GNB5: variants seen among roughly 807,000 people sequenced by gnomAD.
GNB5 encodes G protein subunit beta 5.
GNB5 carries 37 observed loss-of-function variants against 55.3 expected under a neutral mutation model. The ratio of observed to expected loss-of-function variants is 0.67; its 90% confidence interval spans 0.51 to 0.88. The LOEUF (loss-of-function observed/expected upper bound fraction) is 0.88, where lower values mean the gene tolerates loss of function less well. GNB5 is among the 40% of genes least tolerant of loss of function. The pLI is 0.00. For synonymous variants in GNB5, 219 were observed against 198.5 expected, an observed-to-expected ratio of 1.10 and a Z score of -0.87; for missense variants, 476 against 515.3, an observed-to-expected ratio of 0.92 and a Z score of 0.74.
At position 52,171,503 on chromosome 15, in the gene GNB5, G is replaced by A. The variant is rs1020396318; in HGVS notation, c.238+8265C>T. On this transcript the variant is annotated intron_variant, in intron 3 of 12. Coordinates refer to ENST00000261837, the MANE Select transcript of GNB5 (RefSeq NM_016194.4). ...TTGGGAAAGTACTCTAAACACCCTT[G>A]CATTAGCCAGCTCGAGTATAACAGT... 2.6e-5 allele frequency among the ~76,000 whole-genome samples: 4 copies of A among 152,168 alleles called. 1 individual carries two copies. The highest frequency in any genetic ancestry group is 6.3e-3 in the Middle Eastern group (2 of 316).
At chr15:52,156,243 C>G (rs1266607888) in intron 3 of GNB5, among the ~76,000 whole-genome samples, 1 of 152,222 alleles carries the variant, frequency 6.6e-6, no homozygotes, top group African/African-American at 2.4e-5. Context: ...TTCCCATGAC[C>G]TTCTGACATG....
Position 52,179,944 on chromosome 15 carries a change from C to T in GNB5, c.127-65G>A, listed in dbSNP as rs2034737194. On this transcript the variant is annotated intron_variant, in intron 2 of 12. Coordinates refer to ENST00000261837, the MANE Select transcript of GNB5 (RefSeq NM_016194.4). ...GGAATGCGCTGAGCCGCGGCGGGCG[C>T]CGCTCCAGCAGCCGTCCCCGGCCCC... 2.4e-5 allele frequency: 34 copies of T among 1,434,294 alleles called. No homozygotes were observed. The South Asian group carries it at 4.0e-4, about 17-fold the overall frequency. The allele number at this position is 1,434,294 out of a possible 1,614,324, so 88.8% of individuals were successfully genotyped here. A position where few individuals can be genotyped will look rare whatever the true frequency, so the allele number is the denominator to read the frequency against.
intron 8 of GNB5, among the ~76,000 whole-genome samples, chr15:52,135,244 T>C (rs2033674089): frequency 1.3e-5 from 2 of 152,160 alleles, no homozygotes; most frequent in South Asian, 4.1e-4. Flanking sequence ...GCATCTCTGA[T>C]GCTCTCAGAT....
rs58614125 is a variant in GNB5 at position 52,190,778 on chromosome 15, TAAAAAAAAAAAAAAAA to T, written c.-19+528_-19+543del. Among the ~76,000 whole-genome samples, 379 of 96,912 alleles carry T rather than the reference TAAAAAAAAAAAAAAAA, an allele frequency of 3.9e-3. 6 individuals carry two copies. The highest frequency in any genetic ancestry group is 0.013 in the African/African-American group (289 of 22,722). The allele number at this position is 96,912 out of a possible 152,430, so 63.6% of individuals were successfully genotyped here. A position where few individuals can be genotyped will look rare whatever the true frequency, so the allele number is the denominator to read the frequency against. On this transcript the variant is annotated intron_variant, in intron 1 of 12. Transcript: ENST00000261837. ...CCACAGAAAATAATGCTTATTTCCT[TAAAAAAAAAAAAAAAA>T]AAAAAAAAAAAAAAAAAAAAAAAAC...
chr15:52,128,978 C>A (rs1165814884), intron 9 of GNB5, among the ~76,000 whole-genome samples: 2 of 135,114 alleles, frequency 1.5e-5, no homozygotes, highest in African/African-American at 2.8e-5. Flanking sequence ...TTTTTTGAGA[C>A]TGAGTCTCAT....
At chr15:52,174,479 G>C (rs2034611460) in intron 3 of GNB5, among the ~76,000 whole-genome samples, 1 of 152,126 alleles carries the variant, frequency 6.6e-6, no homozygotes. Flanking sequence ...ATGGGGCTTG[G>C]GGCTGTGGAG....
intron 3 of GNB5, among the ~76,000 whole-genome samples, chr15:52,161,838 G>C (rs1299102602): frequency 6.6e-6 from 1 of 152,244 alleles, no homozygotes; most frequent in Non-Finnish European, 1.5e-5. Context: ...ATGGCACTTA[G>C]AGTTGGATAA....
At chr15:52,128,345 A>T in intron 9 of GNB5, 101 bp from the exon 10 acceptor site, 1 of 776,012 alleles carries the variant, frequency 1.3e-6, no homozygotes, top group Non-Finnish European at 2.3e-6. Context: ...ATTTCTAGGG[A>T]CTCAAGGAAC....
intron 6 of GNB5, among the ~76,000 whole-genome samples, chr15:52,145,628 G>C (rs1179323517): frequency 6.6e-6 from 1 of 152,076 alleles, no homozygotes; most frequent in Non-Finnish European, 1.5e-5. Flanking sequence ...CTGGGTGACA[G>C]AGCCAGACTC....
chr15:52,185,723 A>C (rs2034834389), intron 1 of GNB5, among the ~76,000 whole-genome samples: 1 of 150,368 alleles, frequency 6.7e-6, no homozygotes, highest in South Asian at 2.1e-4. Context: ...ATAACGTTCT[A>C]GTCCCCACTT....
At chr15:52,133,511 A>T (rs769844270) in intron 8 of GNB5, 42 bp from the exon 9 acceptor site, 2 of 1,255,544 alleles carry the variant, frequency 1.6e-6, no homozygotes, top group Non-Finnish European at 2.3e-6. Context: ...ACTTTAAGGA[A>T]TGTCTATAGA....
At chr15:52,167,487 T>A (rs1402182046) in intron 3 of GNB5, among the ~76,000 whole-genome samples, 1 of 152,008 alleles carries the variant, frequency 6.6e-6, no homozygotes, top group Non-Finnish European at 1.5e-5. Flanking sequence ...CTGGCCAACA[T>A]GGTGAAACTC....
chr15:52,177,433 A>C (rs1435107013), intron 3 of GNB5, among the ~76,000 whole-genome samples: 1 of 151,764 alleles, frequency 6.6e-6, no homozygotes, highest in Non-Finnish European at 1.5e-5. Context: ...TCAGGCGGGC[A>C]GATCACTTGA....
chr15:52,132,525 T>C (rs1380835484), intron 9 of GNB5, among the ~76,000 whole-genome samples: 3 of 151,286 alleles, frequency 2.0e-5, no homozygotes, highest in Non-Finnish European at 4.4e-5. Context: ...TCTTGCTCTG[T>C]TGCCTAGGCT....
At position 52,184,557 on chromosome 15, in the gene GNB5, T is replaced by C. The variant is rs774783951; in HGVS notation, c.120A>G (p.Ala40=). ...SQQLSYCSTC[A]EIMATEGLHE... is the part of the protein sequence containing the mutation. ...TTTTTTAAGTGGCACTTACAATTTC[T>C]GCACATGTTGAACAGTAGCTGAGTT... Residue 40 remains alanine, a synonymous_variant, in exon 2 of 13, where the codon GCA becomes GCG. Transcript: ENST00000261837. The C allele has an allele frequency of 5.0e-6, 8 of 1,613,576 alleles. No individual in the cohort carries two copies. The highest frequency in any genetic ancestry group is 6.8e-6 in the Non-Finnish European group (8 of 1,179,580).
chr15:52,146,010 G>A (rs933460939), intron 6 of GNB5, among the ~76,000 whole-genome samples: 1 of 144,152 alleles, frequency 6.9e-6, no homozygotes, highest in African/African-American at 2.6e-5. Flanking sequence ...AGGCTGGAGT[G>A]CAGTGGCGCG....
At chr15:52,177,833 A>G (rs1323515978) in intron 3 of GNB5, among the ~76,000 whole-genome samples, 1 of 152,142 alleles carries the variant, frequency 6.6e-6, no homozygotes, top group East Asian at 1.9e-4. Flanking sequence ...ACACAACCAC[A>G]TGACTTCTGG....
chr15:52,168,616 C>G (rs2034495261), intron 3 of GNB5, among the ~76,000 whole-genome samples: 1 of 152,096 alleles, frequency 6.6e-6, no homozygotes, highest in Non-Finnish European at 1.5e-5. Context: ...GGAAAAAAAA[C>G]TATTTTAAAA....
chr15:52,179,747 C>G, intron 3 of GNB5, 21 bp downstream of exon 3: 1 of 1,426,068 alleles, frequency 7.0e-7, no homozygotes, highest in Non-Finnish European at 9.3e-7. Flanking sequence ...TTGCCCCGCC[C>G]GCCTCCCGGC....
Sources: gnomAD v4.1 joint callset for allele counts (sites outside exome capture counted in the v4.1 genomes callset) on GRCh38, gnomAD v4.1.1 for gene constraint, MANE v1.5 for transcripts, NCBI Gene and HGNC (gene_info 2026-07-23, HGNC 2026-07-21) for gene names.